The following PRRC2C variants were observed in gnomAD, a reference collection of about 807,000 sequenced individuals.
PRRC2C encodes proline rich coiled-coil 2C.
Under a neutral mutation model 317.2 loss-of-function variants are expected in PRRC2C, and 72 were observed. The ratio of observed to expected loss-of-function variants is 0.23; its 90% CI spans 0.19 to 0.28. PRRC2C has a LOEUF of 0.28. Ranked by LOEUF, PRRC2C falls within the 10% of genes least tolerant of loss-of-function variation. The pLI is 1.00. For synonymous variants in PRRC2C, 1,296 were observed against 1,205.9 expected (o/e 1.07, Z -1.55); for missense variants, 3,074 against 3,459.7 (o/e 0.89, Z 2.80).
In PRRC2C at chr1:171,536,020, CT is replaced by C; in HGVS notation, c.2044-4del. The C allele has an allele frequency of 1.9e-6, 3 of 1,552,020 alleles. 1 individual carries two copies. The highest frequency in any genetic ancestry group is 2.4e-5 in the South Asian group (2 of 84,050). ...TAAACTCTCAAGATATGGGATCTTA[CT>C]TTTTCAGGAACAGATGAAACAGCAG... is the stretch of plus-strand genomic sequence containing the variant. On this transcript the variant is annotated splice_polypyrimidine_tract_variant and splice_region_variant and intron_variant, in intron 13 of 34. Coordinates refer to ENST00000647382, the MANE Select transcript of PRRC2C (RefSeq NM_001387844.1).
At position 171,540,579 on chromosome 1, in the gene PRRC2C, G is replaced by A. The variant is rs765670216; in HGVS notation, c.3113G>A (p.Gly1038Glu). The A allele has an allele frequency of 3.1e-6, 5 of 1,613,700 alleles. No homozygotes were observed. The highest frequency in any genetic ancestry group is 1.3e-5 in the African/African-American group (1 of 74,846). The change falls in exon 16 of 35, where the codon GGA becomes GAA. Residue 1038 changes from glycine to glutamate, a missense_variant. Gly to Glu is a moderately conservative substitution (Grantham distance 98). Around this residue, in one of 11 missense-constraint regions of PRRC2C, gnomAD observed 1,320 missense variants for 1,395.7 expected, o/e 0.95. Coordinates refer to ENST00000647382, the MANE Select transcript of PRRC2C (RefSeq NM_001387844.1). ...CGGGAACAGAGGAAGGAGAAAGAAG[G>A]AGAAAAGGCCGAAAAGGTCACTGAA... ...EEREQRKEKEGEKAEKVTEKV... is the reference protein window; with the variant it reads ...EEREQRKEKEEEKAEKVTEKV...
Position 171,557,222 on chromosome 1 carries a change from C to A in PRRC2C, c.5128-18C>A. 2 of 1,521,820 alleles carry A rather than the reference C, an allele frequency of 1.3e-6. No individual in the cohort carries two copies. Among genetic ancestry groups the A allele is most frequent in the Non-Finnish European group, 1.8e-6 (2 of 1,133,838 alleles). The allele number at this position is 1,521,820 out of a possible 1,614,324, so 94.3% of individuals were successfully genotyped here. ...CAGCTGCATTATTGACAAAAATGGT[C>A]CCCGTTAATTTTTTAAGGTCTGGAA... On this transcript the variant is annotated intron_variant, in intron 18 of 34. Coordinates refer to ENST00000647382, the MANE Select transcript of PRRC2C (RefSeq NM_001387844.1).
chr1:171,577,655 G>A lies in PRRC2C; in HGVS notation c.7159+18G>A. 1 of 1,591,476 alleles carries A rather than the reference G, an allele frequency of 6.3e-7. No homozygotes were observed. The highest frequency in any genetic ancestry group is 1.3e-5 in the African/African-American group (1 of 74,418). The stretch of plus-strand genomic sequence containing the variant: ...TGCAGCAGGTAATGTTTTTAGGCTT[G>A]AATATAAGGAATTTAGAAAATGAAG... On this transcript the variant is annotated intron_variant, in intron 26 of 34. Transcript: ENST00000647382.
In PRRC2C at chr1:171,557,745, C is replaced by T; in HGVS notation, c.5633C>T (p.Pro1878Leu). The T allele has an allele frequency of 6.4e-7, 1 of 1,551,256 alleles. No individual in the cohort carries two copies. The highest frequency in any genetic ancestry group is 1.2e-5 in the South Asian group (1 of 84,050). Residue 1878 changes from proline (P) to leucine (L), a missense_variant, in exon 19 of 35, where the codon CCA (proline) becomes CTA (leucine). Pro to Leu is a moderately conservative substitution (Grantham distance 98). Coordinates refer to ENST00000647382, the MANE Select transcript of PRRC2C (RefSeq NM_001387844.1). The stretch of plus-strand genomic sequence containing the variant: ...CTAGCATCAACTTCAGCTCCAACGC[C>T]AGCCCCAGCAGCCTCTTCCCCAGCT... Reference protein sequence around the residue: ...SALASTSAPTPAPAASSPAAP... With the variant: ...SALASTSAPTLAPAASSPAAP...
chr1:171,577,600 A>G lies in PRRC2C; in HGVS notation c.7122A>G (p.Gln2374=), dbSNP rs746897039. ...TGCCTTCCCTTATTGCCCAGCAGCA[A>G]CAGAATCCGCAAGTTTATGTGTCTC... ...SCMPSLIAQQ[Q]QNPQVYVSQS... Residue 2374 remains glutamine (Q), a synonymous_variant, in exon 26 of 35, where the codon CAA becomes CAG. Coordinates refer to ENST00000647382, the MANE Select transcript of PRRC2C (RefSeq NM_001387844.1). 6.2e-7 allele frequency: 1 copy of G among 1,613,734 alleles called. No homozygotes were observed. Among genetic ancestry groups the G allele is most frequent in the Non-Finnish European group, 8.5e-7 (1 of 1,179,794 alleles).
intron 19 of PRRC2C, among the ~76,000 whole-genome samples, chr1:171,560,464 T>C (rs1682454602): frequency 6.6e-6 from 1 of 152,186 alleles, no homozygotes; most frequent in South Asian, 2.1e-4. Flanking sequence ...TACAGAGAAT[T>C]CATGAAAGGA....
chr1:171,557,519 G>A lies in PRRC2C; in HGVS notation c.5407G>A (p.Val1803Ile), dbSNP rs1681685410. Residue 1803 changes from valine (V) to isoleucine (I), a missense_variant, in exon 19 of 35, where the codon GTT becomes ATT. Physicochemically the swap from Val to Ile is conservative, Grantham distance 29 (BLOSUM62 3). Coordinates refer to ENST00000647382, the MANE Select transcript of PRRC2C (RefSeq NM_001387844.1). ...AGTTCTGGCCTCAACCTCAGCTCCA[G>A]TTCCAGCCTCACCCTTAGCTCCAGT... Reference protein sequence around the residue: ...APVLASTSAPVPASPLAPVSA... With the variant: ...APVLASTSAPIPASPLAPVSA... 1.9e-6 allele frequency: 3 copies of A among 1,551,572 alleles called. No individual in the cohort carries two copies. The highest frequency in any genetic ancestry group is 2.6e-6 in the Non-Finnish European group (3 of 1,146,970).
chr1:171,565,560 G>C (rs1391498016), intron 20 of PRRC2C, among the ~76,000 whole-genome samples: 1 of 152,168 alleles, frequency 6.6e-6, no homozygotes, highest in Non-Finnish European at 1.5e-5. Context: ...CGATTCTCCT[G>C]CATCAGCCTC....
chr1:171,515,955 A>G, intron 5 of PRRC2C, 96 bp downstream of exon 5: 1 of 1,354,904 alleles, frequency 7.4e-7, no homozygotes, highest in Non-Finnish European at 9.8e-7. Flanking sequence ...TTATTTGCCT[A>G]CTTCGAAAAG....
chr1:171,513,179 C>G lies in PRRC2C; in HGVS notation c.290+7C>G. On this transcript the variant is annotated splice_region_variant and intron_variant, in intron 3 of 34. Coordinates refer to ENST00000647382, the MANE Select transcript of PRRC2C (RefSeq NM_001387844.1). ...AGCAACATGAAGAAGAAAAGTGAGT[C>G]AAAGTCTGTTAAAGAATGAAGCCCT... 6.2e-7 allele frequency: 1 copy of G among 1,604,638 alleles called. No homozygotes were observed. The highest frequency in any genetic ancestry group is 8.5e-7 in the Non-Finnish European group (1 of 1,175,836).
In PRRC2C at chr1:171,541,143, A is replaced by G. The variant is rs551706505; in HGVS notation, c.3677A>G (p.Asn1226Ser). Residue 1226 changes from asparagine (N) to serine (S), a missense_variant, in exon 16 of 35, where the codon AAT becomes AGT. Physicochemically the swap from Asn to Ser is conservative, Grantham distance 46. Transcript: ENST00000647382. The surrounding 1 kb of genome is among the most constrained non-coding windows in gnomAD (Gnocchi z 4.1). ...HTRDYPQYRD[N>S]KPRAEHIPSG... ...CGAGATTATCCTCAGTATAGAGACA[A>G]TAAGCCAAGAGCAGAGCATATACCC... The G allele has an allele frequency of 1.8e-4, 291 of 1,613,776 alleles. 5 individuals are homozygous for G. In the South Asian group the frequency reaches 2.2e-3, roughly 12 times the overall value.
Position 171,517,595 on chromosome 1 carries a change from T to A in PRRC2C, c.531T>A (p.Val177=). ...TTTTCTCTGCCTTCATACTAGATGT[T>A]GCTTGTTGGAGAGATGGTGGTAAGG... is the stretch of plus-strand genomic sequence containing the variant. ...GPGPSLRPPN[V]ACWRDGGKAA... is the part of the protein sequence containing the mutation. The change falls in exon 6 of 35, where the codon GTT becomes GTA. Residue 177 remains valine, a synonymous_variant. Transcript: ENST00000647382. 6.2e-7 allele frequency: 1 copy of A among 1,612,082 alleles called. No individual in the cohort carries two copies. Among genetic ancestry groups the A allele is most frequent in the Non-Finnish European group, 8.5e-7 (1 of 1,179,208 alleles).
chr1:171,541,618 T>C lies in PRRC2C; in HGVS notation c.4152T>C (p.Val1384=). 6.2e-7 allele frequency: 1 copy of C among 1,613,588 alleles called. No homozygotes were observed. Among genetic ancestry groups the C allele is most frequent in the South Asian group, 1.1e-5 (1 of 91,052 alleles). The change falls in exon 16 of 35, where the codon GTT becomes GTC. Residue 1384 remains valine, a synonymous_variant. Coordinates refer to ENST00000647382, the MANE Select transcript of PRRC2C (RefSeq NM_001387844.1). This position sits in a 1 kb window ranked among gnomAD's most constrained non-coding sequence, Gnocchi z 4.1. ...DNQWNPRQSE[V]PKPEDGEPPR... ...AGTGGAACCCAAGGCAGTCAGAAGTTCCTAAACCAGAAGATGGAGAGCCGC... is the reference window on the plus strand; with the variant it reads ...AGTGGAACCCAAGGCAGTCAGAAGTCCCTAAACCAGAAGATGGAGAGCCGC...
At chr1:171,583,590 A>C (rs1649201710) in intron 28 of PRRC2C, among the ~76,000 whole-genome samples, 1 of 152,248 alleles carries the variant, frequency 6.6e-6, no homozygotes, top group Non-Finnish European at 1.5e-5. Flanking sequence ...TGTATAGTAA[A>C]TACATAAACT....
intron 32 of PRRC2C, among the ~76,000 whole-genome samples, chr1:171,587,994 A>G (rs1200990567): frequency 6.6e-6 from 1 of 151,718 alleles, no homozygotes; most frequent in African/African-American, 2.4e-5. Flanking sequence ...TTTTTTTGAG[A>G]CAGAGTCTCA....
intron 4 of PRRC2C, among the ~76,000 whole-genome samples, chr1:171,515,034 G>A (rs1041420987): frequency 3.3e-5 from 5 of 152,200 alleles, no homozygotes; most frequent in Non-Finnish European, 7.3e-5. Flanking sequence ...ATTCCTGAGA[G>A]GAGAAGAGCT....
chr1:171,574,812 T>A lies in PRRC2C; in HGVS notation c.6754-115T>A, dbSNP rs923530823. 25 of 935,538 alleles carry A rather than the reference T, an allele frequency of 2.7e-5. No homozygotes were observed. The African/African-American group carries it at 4.1e-4, about 16-fold the overall frequency. The allele number at this position is 935,538 out of a possible 1,614,324, so 58.0% of individuals were successfully genotyped here. On this transcript the variant is annotated intron_variant, in intron 24 of 34. Transcript: ENST00000647382. ...TAGATTTTCTTTAAATATCTTTGTG[T>A]GTGTGTGGTTTTTGAAAGATTATAT...
intron 5 of PRRC2C, 112 bp downstream of exon 5, chr1:171,515,971 CTT>C: frequency 3.4e-6 from 4 of 1,182,976 alleles, no homozygotes; most frequent in East Asian, 2.5e-5. Flanking sequence ...AAAAGGCAGA[CTT>C]TGTACTATAG....
intron 6 of PRRC2C, among the ~76,000 whole-genome samples, chr1:171,518,741 A>G (rs113293839): frequency 1.2e-3 from 175 of 141,330 alleles, no homozygotes; most frequent in African/African-American, 4.1e-3. Context: ...GGCATCAAGT[A>G]GTCTGCCCAC....
Sources: gnomAD v4.1 joint callset for allele counts (sites outside exome capture counted in the v4.1 genomes callset) on GRCh38, gnomAD v4.1.1 for gene constraint, gnomAD v4.1.1 regional missense constraint, Gnocchi (gnomAD v3.1) non-coding constraint, MANE v1.5 for transcripts, NCBI Gene and HGNC (gene_info 2026-07-23, HGNC 2026-07-21) for gene names.